The following FGF1 variants were observed in gnomAD, a reference collection of about 807,000 sequenced individuals.
FGF1 encodes the protein beta-endothelial cell growth factor.
In FGF1, 9 loss-of-function variants were observed where a neutral mutation model predicts 13.4. The observed-to-expected ratio is 0.67, with a 90% CI of 0.40 to 1.17. FGF1 has a LOEUF of 1.17. Ranked by LOEUF, FGF1 falls within the 50% of genes most tolerant of loss-of-function variation. FGF1 has a pLI of 0.01. For missense variants in FGF1, 156 were observed against 192.7 expected, an observed-to-expected ratio of 0.81 and a Z score of 1.13; for synonymous variants, 93 against 79.0, an observed-to-expected ratio of 1.18 and a Z score of -0.94.
intron 1 of FGF1, among the ~76,000 whole-genome samples, chr5:142,666,279 T>TACACAC (rs70991775): frequency 0.022 from 1,399 of 62,582 alleles, 59 homozygotes; most frequent in African/African-American, 0.062. Flanking sequence ...GAGCATGTAA[T>TACACAC]ACACACACAC....
chr5:142,600,646 T>C, intron 3 of FGF1, 56 bp downstream of exon 3: 1 of 1,248,028 alleles, frequency 8.0e-7, no homozygotes, highest in Non-Finnish European at 1.2e-6. Flanking sequence ...TGTAACAAGA[T>C]TTCTGGAAAC....
intron 1 of FGF1, among the ~76,000 whole-genome samples, chr5:142,661,809 C>T (rs371022907): frequency 5.3e-5 from 8 of 152,138 alleles, no homozygotes; most frequent in Admixed American, 2.6e-4. Flanking sequence ...TGAGACCATC[C>T]TGGCTAACAC....
chr5:142,661,796 G>T (rs10067019), intron 1 of FGF1, among the ~76,000 whole-genome samples: 84,439 of 151,914 alleles, frequency 0.56, 26,098 homozygotes, highest in African/African-American at 0.85. Flanking sequence ...GAGGTCAGGA[G>T]ATTGAGACCA....
At chr5:142,596,016 C>T (rs1755168111) in intron 3 of FGF1, among the ~76,000 whole-genome samples, 1 of 152,200 alleles carries the variant, frequency 6.6e-6, no homozygotes, top group Non-Finnish European at 1.5e-5. Context: ...TGCCTTTTAT[C>T]CTGGTGATTT....
chr5:142,600,481 G>T (rs1436241288), intron 3 of FGF1, among the ~76,000 whole-genome samples: 3 of 152,212 alleles, frequency 2.0e-5, no homozygotes, highest in Non-Finnish European at 4.4e-5. Context: ...TCTTTACTCT[G>T]TGTTTATATG....
intron 1 of FGF1, among the ~76,000 whole-genome samples, chr5:142,618,972 T>C (rs1161042982): frequency 7.0e-6 from 1 of 142,156 alleles, no homozygotes; most frequent in Non-Finnish European, 1.5e-5. Context: ...TCCCGCTCTT[T>C]AGCCCAGGCC....
intron 2 of FGF1, among the ~76,000 whole-genome samples, chr5:142,604,849 G>A (rs1757301827): frequency 6.6e-6 from 1 of 152,130 alleles, no homozygotes; most frequent in South Asian, 2.1e-4. Flanking sequence ...CTCCAATTAT[G>A]GGAATGGATT....
At chr5:142,643,314 CACAT>C (rs1236428462) in intron 1 of FGF1, among the ~76,000 whole-genome samples, 3 of 152,114 alleles carry the variant, frequency 2.0e-5, no homozygotes, top group South Asian at 4.2e-4. Context: ...CACACACACA[CACAT>C]ACCCCAAAAT....
intron 2 of FGF1, among the ~76,000 whole-genome samples, chr5:142,610,630 C>T (rs1272362796): frequency 6.6e-6 from 1 of 152,170 alleles, no homozygotes; most frequent in Non-Finnish European, 1.5e-5. Flanking sequence ...CTATGCAGCA[C>T]TCCCTGGCTG....
intron 1 of FGF1, among the ~76,000 whole-genome samples, chr5:142,636,935 T>A (rs972037055): frequency 6.6e-6 from 1 of 151,990 alleles, no homozygotes; most frequent in African/African-American, 2.4e-5. Context: ...TGGGATGTGA[T>A]GTTATCAGAT....
chr5:142,675,386 G>A (rs1236776648), intron 1 of FGF1, among the ~76,000 whole-genome samples: 1 of 152,138 alleles, frequency 6.6e-6, no homozygotes, highest in Non-Finnish European at 1.5e-5. Context: ...ACTGCGACCT[G>A]GACCCCTTCC....
At position 142,646,161 on chromosome 5, in the gene FGF1, G is replaced by A. The variant is rs563038859; in HGVS notation, c.-34-32000C>T. 2.0e-4 allele frequency among the ~76,000 whole-genome samples: 29 copies of A among 148,376 alleles called. No individual in the cohort carries two copies. The South Asian group carries it at 3.0e-3, about 15-fold the overall frequency. On this transcript the variant is annotated intron_variant, in intron 1 of 3. Transcript: ENST00000337706. ...CCTGACCTCGTGATCCGCCTGCCTC[G>A]GCCTCCCAAAGTGCTGGGATTACAG...
At chr5:142,608,868 G>C (rs1439434283) in intron 2 of FGF1, among the ~76,000 whole-genome samples, 1 of 151,524 alleles carries the variant, frequency 6.6e-6, no homozygotes. Context: ...GAGGGTTGTG[G>C]GGAGGAGGGC....
chr5:142,644,117 T>TGGCCCGTGGCTGGCTTCCCTGCA (rs1765628973), intron 1 of FGF1: 1 of 152,276 alleles, frequency 6.6e-6, no homozygotes, highest in Admixed American at 6.5e-5. Flanking sequence ...GCTTACCTGC[T>TGGCCCGTGGCTGGCTTCCCTGCA]GGCCCGTGGC....
intron 1 of FGF1, among the ~76,000 whole-genome samples, chr5:142,642,353 C>T (rs900954363): frequency 1.3e-5 from 2 of 152,190 alleles, no homozygotes; most frequent in African/African-American, 4.8e-5. Context: ...TCCCCTTGGC[C>T]TGGGGGTAAT....
intron 1 of FGF1, among the ~76,000 whole-genome samples, chr5:142,646,040 C>T (rs1341434218): frequency 6.6e-6 from 1 of 152,120 alleles, no homozygotes; most frequent in African/African-American, 2.4e-5. Context: ...TCCCAAGTAG[C>T]TGGGACTACA....
intron 1 of FGF1, among the ~76,000 whole-genome samples, chr5:142,618,387 T>C (rs1760691526): frequency 6.6e-6 from 1 of 152,174 alleles, no homozygotes; most frequent in African/African-American, 2.4e-5. Flanking sequence ...CCTTCTGAGA[T>C]GTTTCCTCTA....
chr5:142,688,937 T>C (rs1031119524), upstream of FGF1, among the ~76,000 whole-genome samples: 3 of 152,240 alleles, frequency 2.0e-5, no homozygotes, highest in African/African-American at 7.2e-5. Flanking sequence ...GTTTTACTTA[T>C]TTTGTGCTCA....
chr5:142,695,505 C>G (rs1752962084), intron 2 of FGF1, among the ~76,000 whole-genome samples: 2 of 149,316 alleles, frequency 1.3e-5, no homozygotes, highest in African/African-American at 5.0e-5. Context: ...TCGCTTGAAC[C>G]TGGGAGGCGG....
Sources: allele counts gnomAD v4.1 joint callset (sites outside exome capture counted in the v4.1 genomes callset), GRCh38; gene constraint gnomAD v4.1.1; transcripts MANE v1.5; gene names NCBI Gene and HGNC (gene_info 2026-07-23, HGNC 2026-07-21).